TNKS: variants seen among roughly 807,000 people sequenced by gnomAD.
TNKS encodes poly [ADP-ribose] polymerase tankyrase-1.
Under a neutral mutation model 135.8 loss-of-function variants are expected in TNKS, and 72 were observed. That is an observed-to-expected ratio of 0.53 (90% confidence interval 0.44 to 0.64). TNKS has a LOEUF of 0.64. Ranked by LOEUF, TNKS falls within the 30% of genes least tolerant of loss-of-function variation. TNKS has a pLI of 0.00. For missense variants in TNKS, 1,769 were observed against 1,674.0 expected (o/e 1.06, Z -0.99); for synonymous variants, 849 against 649.3 (o/e 1.31, Z -4.68).
At chr8:9,662,460 C>G (rs36090374) in intron 3 of TNKS, among the ~76,000 whole-genome samples, 17,130 of 152,076 alleles carry the variant, frequency 0.11, 1,202 homozygotes, top group Admixed American at 0.22. Context: ...ATGGATGAAG[C>G]TGGAAACCAT....
intron 8 of TNKS, among the ~76,000 whole-genome samples, chr8:9,708,032 T>C (rs1268248678): frequency 1.3e-5 from 2 of 152,216 alleles, no homozygotes; most frequent in Non-Finnish European, 2.9e-5. Context: ...GTTTAAGAGC[T>C]AGAAAGTGTT....
intron 1 of TNKS, among the ~76,000 whole-genome samples, chr8:9,565,132 G>A (rs1797476465): frequency 6.6e-6 from 1 of 152,156 alleles, no homozygotes; most frequent in Non-Finnish European, 1.5e-5. Flanking sequence ...TCACCAGAGC[G>A]AGTTACTGAG....
chr8:9,767,540 A>G lies in TNKS; in HGVS notation c.3740+1115A>G, dbSNP rs886978787. ...CCCCAGTAACCTTGAAATTGTGATT[A>G]TTGACCTTAAAACTTATCTCTCAGT... On this transcript the variant is annotated intron_variant, in intron 25 of 26. Transcript: ENST00000310430. 1.3e-5 allele frequency among the ~76,000 whole-genome samples: 2 copies of G among 152,216 alleles called. 1 individual carries two copies. The highest frequency in any genetic ancestry group is 4.1e-4 in the South Asian group (2 of 4,832).
At chr8:9,614,491 A>G (rs1563118102) in intron 2 of TNKS, among the ~76,000 whole-genome samples, 1 of 152,168 alleles carries the variant, frequency 6.6e-6, no homozygotes, top group African/African-American at 2.4e-5. Flanking sequence ...AAAGCCATTG[A>G]TTTTATGGCT....
intron 5 of TNKS, among the ~76,000 whole-genome samples, chr8:9,698,490 C>T (rs1487939213): frequency 2.0e-5 from 3 of 150,008 alleles, no homozygotes; most frequent in Non-Finnish European, 3.0e-5. Context: ...GTACTTTGTA[C>T]AGTTATCTTT....
rs1011567683 is a variant in TNKS at position 9,617,355 on chromosome 8, C to G, written c.994+1678C>G. On this transcript the variant is annotated intron_variant, in intron 3 of 26. Coordinates refer to ENST00000310430, the MANE Select transcript of TNKS (RefSeq NM_003747.3). ...GATAGGAATATACGAAATTCTTGGT[C>G]ATAATACTGATTTAGAGTCATTTGT... is the stretch of plus-strand genomic sequence containing the variant. 8.5e-5 allele frequency among the ~76,000 whole-genome samples: 13 copies of G among 152,296 alleles called. 1 individual carries two copies. The highest frequency in any genetic ancestry group is 3.1e-4 in the African/African-American group (13 of 41,558).
chr8:9,607,868 T>C (rs1256369618), intron 2 of TNKS, among the ~76,000 whole-genome samples: 1 of 152,206 alleles, frequency 6.6e-6, no homozygotes, highest in African/African-American at 2.4e-5. Flanking sequence ...CACTCCTTTT[T>C]TTTGACTGCA....
intron 26 of TNKS, among the ~76,000 whole-genome samples, chr8:9,776,099 C>G (rs1052897263): frequency 2.0e-5 from 3 of 152,026 alleles, no homozygotes; most frequent in Non-Finnish European, 4.4e-5. Context: ...CAGTCTAAAT[C>G]GGAGCCCTTA....
Position 9,652,901 on chromosome 8 carries a change from G to T in TNKS, c.995-27050G>T, listed in dbSNP as rs556824600. 1.1e-4 allele frequency among the ~76,000 whole-genome samples: 16 copies of T among 152,222 alleles called. 2 individuals are homozygous for T. The highest frequency in any genetic ancestry group is 3.9e-4 in the African/African-American group (16 of 41,544). ...AACTCAGAGGAAGGTTACATGATTT[G>T]GTCAAACTTACATGGTTAGATAATG... On this transcript the variant is annotated intron_variant, in intron 3 of 26. Coordinates refer to ENST00000310430, the MANE Select transcript of TNKS (RefSeq NM_003747.3).
intron 2 of TNKS, among the ~76,000 whole-genome samples, chr8:9,591,516 A>G (rs936764571): frequency 5.3e-5 from 8 of 152,208 alleles, no homozygotes; most frequent in African/African-American, 1.9e-4. Flanking sequence ...CTAATGGCTG[A>G]GCATGTTGAG....
chr8:9,734,338 T>C (rs1805585363), intron 15 of TNKS, among the ~76,000 whole-genome samples: 1 of 152,214 alleles, frequency 6.6e-6, no homozygotes, highest in Non-Finnish European at 1.5e-5. Context: ...TTAAAATCTA[T>C]AATTTTTAAT....
intron 3 of TNKS, chr8:9,679,649 A>G (rs1162250141): frequency 3.3e-6 from 1 of 300,814 alleles, no homozygotes; most frequent in African/African-American, 2.1e-5. Context: ...CATTGTCTTC[A>G]GCTGGCATGC....
intron 3 of TNKS, among the ~76,000 whole-genome samples, chr8:9,675,553 A>G (rs1209561315): frequency 6.6e-6 from 1 of 152,226 alleles, no homozygotes; most frequent in South Asian, 2.1e-4. Context: ...CCTTGGCCCA[A>G]TAGCCTTTGC....
rs981282783 is a variant in TNKS, at chr8:9,643,122, A to G, written c.994+27445A>G. ...AGAAGTCCATTTTTATTAAAAATTT[A>G]CTCATTAGACATAATCTTGGAAAGA... On this transcript the variant is annotated intron_variant, in intron 3 of 26. Transcript: ENST00000310430. Among the ~76,000 whole-genome samples the G allele has an allele frequency of 8.9e-5, 13 of 146,514 alleles. 2 individuals are homozygous for G. Among genetic ancestry groups the G allele is most frequent in the African/African-American group, 3.3e-4 (13 of 39,672 alleles).
chr8:9,593,331 G>C (rs139895832), intron 2 of TNKS, among the ~76,000 whole-genome samples: 1,547 of 152,316 alleles, frequency 0.01, 18 homozygotes, highest in African/African-American at 0.035. Flanking sequence ...CTTTGCCACA[G>C]TCTGTAGAGC....
At chr8:9,760,355 T>C (rs1186181653) in intron 20 of TNKS, among the ~76,000 whole-genome samples, 5 of 152,210 alleles carry the variant, frequency 3.3e-5, no homozygotes, top group Non-Finnish European at 5.9e-5. Context: ...TAGAAAATTA[T>C]TTCCAAAGAA....
chr8:9,661,904 C>A (rs1167120832), intron 3 of TNKS, among the ~76,000 whole-genome samples: 1 of 152,176 alleles, frequency 6.6e-6, no homozygotes, highest in Non-Finnish European at 1.5e-5. Flanking sequence ...AAACAAACAA[C>A]CCCATCACAA....
intron 3 of TNKS, among the ~76,000 whole-genome samples, chr8:9,659,221 T>C (rs959731353): frequency 1.3e-5 from 2 of 152,216 alleles, no homozygotes; most frequent in Admixed American, 6.5e-5. Flanking sequence ...AACTCCGCTC[T>C]GCACCAAGTG....
intron 11 of TNKS, among the ~76,000 whole-genome samples, chr8:9,714,837 A>G (rs1804525903): frequency 1.3e-5 from 2 of 152,190 alleles, no homozygotes; most frequent in Non-Finnish European, 2.9e-5. Flanking sequence ...CTTGAAGTTG[A>G]TATTACAGAA....
Sources: allele counts gnomAD v4.1 joint callset (sites outside exome capture counted in the v4.1 genomes callset), GRCh38; gene constraint gnomAD v4.1.1; transcripts MANE v1.5; gene names NCBI Gene and HGNC (gene_info 2026-07-23, HGNC 2026-07-21).